The following FILIP1L variants were observed in gnomAD, a reference collection of about 807,000 sequenced individuals.
The protein encoded by FILIP1L is filamin A-interacting protein 1-like.
In FILIP1L, 55 loss-of-function variants were observed where a neutral mutation model predicts 96.6. That is an observed-to-expected ratio of 0.57 (90% CI 0.46 to 0.71). The LOEUF (loss-of-function observed/expected upper bound fraction) is 0.71, where lower values mean the gene tolerates loss of function less well. FILIP1L is among the 30% of genes least tolerant of loss of function. The probability of loss-of-function intolerance (pLI) is 0.00; values close to 1 mark genes in which losing one functional copy is unlikely to be tolerated. For synonymous variants in FILIP1L, 467 were observed against 473.9 expected, an observed-to-expected ratio of 0.99 and a Z score of 0.19; for missense variants, 1,304 against 1,321.2, an observed-to-expected ratio of 0.99 and a Z score of 0.20.
chr3:100,056,636 G>A (rs768140167), intron 1 of FILIP1L, among the ~76,000 whole-genome samples: 4 of 151,896 alleles, frequency 2.6e-5, no homozygotes, highest in Admixed American at 2.0e-4. Flanking sequence ...TTTCTAGGCA[G>A]CTGGAAACAA....
rs113930025 is a variant in FILIP1L at position 99,854,782 on chromosome 3, C to T, written c.606-3712G>A. Among the ~76,000 whole-genome samples the T allele has an allele frequency of 2.3e-3, 348 of 152,302 alleles. 2 individuals carry two copies. Among genetic ancestry groups the T allele is most frequent in the African/African-American group, 8.0e-3 (332 of 41,570 alleles). On this transcript the variant is annotated intron_variant, in intron 4 of 5. Transcript: ENST00000477258. ...TCTGTCAGTAGAAGTTAGACTCCAT[C>T]GTTTTGCTTTACTCAGCTTTAATTA...
chr3:100,079,514 A>G (rs369495875), intron 1 of FILIP1L, among the ~76,000 whole-genome samples: 1 of 152,350 alleles, frequency 6.6e-6, no homozygotes. Context: ...TGAAAAATCA[A>G]AAGAGTTATT....
At chr3:99,959,183 C>T (rs1022222576) in intron 1 of FILIP1L, among the ~76,000 whole-genome samples, 1 of 152,214 alleles carries the variant, frequency 6.6e-6, no homozygotes, top group African/African-American at 2.4e-5. Context: ...GAGTCTCACT[C>T]TCTTGCCCAG....
At chr3:100,042,350 G>A (rs1395547043) in intron 1 of FILIP1L, among the ~76,000 whole-genome samples, 3 of 151,668 alleles carry the variant, frequency 2.0e-5, no homozygotes, top group Admixed American at 6.6e-5. Flanking sequence ...AAAAAACATT[G>A]GCTCTGTGAC....
At chr3:99,943,192 C>T (rs1000465539) in intron 1 of FILIP1L, among the ~76,000 whole-genome samples, 1 of 152,118 alleles carries the variant, frequency 6.6e-6, no homozygotes, top group Non-Finnish European at 1.5e-5. Flanking sequence ...TAGTGGTCAG[C>T]TCATGCCTAT....
chr3:100,042,764 C>G (rs1379522002), intron 1 of FILIP1L, among the ~76,000 whole-genome samples: 1 of 152,118 alleles, frequency 6.6e-6, no homozygotes, highest in Non-Finnish European at 1.5e-5. Context: ...TTCTTCCACA[C>G]AAAGGGACAA....
intron 3 of FILIP1L, among the ~76,000 whole-genome samples, chr3:99,929,220 C>G (rs1707391981): frequency 6.6e-6 from 1 of 152,168 alleles, no homozygotes; most frequent in Non-Finnish European, 1.5e-5. Flanking sequence ...AGCAGTACTG[C>G]CTTCTCCCTA....
intron 5 of FILIP1L, chr3:99,847,782 GTGAT>G (rs946457632): frequency 3.2e-5 from 6 of 188,986 alleles, no homozygotes; most frequent in African/African-American, 1.2e-4. Flanking sequence ...CCTCTAATAT[GTGAT>G]TAGAAGTTGA....
intron 1 of FILIP1L, among the ~76,000 whole-genome samples, chr3:99,981,805 A>G (rs1258068345): frequency 6.6e-6 from 1 of 152,210 alleles, no homozygotes; most frequent in Non-Finnish European, 1.5e-5. Flanking sequence ...ACACATGCAC[A>G]TGCATAAATA....
Position 99,849,827 on chromosome 3 carries a change from C to T in FILIP1L, c.1849G>A (p.Ala617Thr). The change falls in exon 5 of 6, where the codon GCA (alanine) becomes ACA (threonine). Residue 617 changes from alanine (A) to threonine (T), a missense_variant. Transcript: ENST00000477258. ...LNQDSGKSTT[A>T]LHQENNKIKE... ...ATCTTATTGTTTTCTTGGTGTAATG[C>T]TGTTGTGGATTTCCCAGAGTCTTGA... is the stretch of plus-strand genomic sequence containing the variant. 1.9e-6 allele frequency: 3 copies of T among 1,611,604 alleles called. No homozygotes were observed. The highest frequency in any genetic ancestry group is 2.5e-6 in the Non-Finnish European group (3 of 1,179,618).
chr3:100,073,834 C>T lies in FILIP1L; in HGVS notation c.-11+40219G>A, dbSNP rs183453362. ...TTTATTAAGAATCTTTCCACTCACT[C>T]TTTTTAAGCTTATGTCCCTTTCCTT... On this transcript the variant is annotated intron_variant, in intron 1 of 5. Coordinates refer to ENST00000477258, the MANE Select transcript of FILIP1L (RefSeq NM_001387850.1). 2.6e-4 allele frequency among the ~76,000 whole-genome samples: 39 copies of T among 152,312 alleles called. No individual in the cohort carries two copies. In the East Asian group the frequency reaches 6.7e-3, roughly 26 times the overall value.
chr3:100,034,312 G>A (rs1225276258), intron 1 of FILIP1L, among the ~76,000 whole-genome samples: 2 of 152,146 alleles, frequency 1.3e-5, no homozygotes, highest in African/African-American at 4.8e-5. Context: ...TGGAGAAAAT[G>A]TACACTCATG....
intron 4 of FILIP1L, among the ~76,000 whole-genome samples, chr3:99,872,917 CTTTT>C (rs74418095): frequency 4.2e-5 from 6 of 143,544 alleles, no homozygotes; most frequent in African/African-American, 1.5e-4. Context: ...AATCTCAAGT[CTTTT>C]TTTTTTTTTA....
At chr3:100,021,012 G>A (rs548398944) in intron 1 of FILIP1L, among the ~76,000 whole-genome samples, 6 of 152,194 alleles carry the variant, frequency 3.9e-5, no homozygotes, top group Non-Finnish European at 7.4e-5. Context: ...TGATCTGCCC[G>A]CCTTGGCCTC....
intron 1 of FILIP1L, among the ~76,000 whole-genome samples, chr3:99,980,380 G>T (rs1709086995): frequency 6.6e-6 from 1 of 152,078 alleles, no homozygotes; most frequent in Admixed American, 6.6e-5. Flanking sequence ...TTCAGTTTGG[G>T]GAAAGGAATA....
chr3:100,019,705 T>TGA (rs1326132991), intron 1 of FILIP1L, among the ~76,000 whole-genome samples: 1 of 152,236 alleles, frequency 6.6e-6, no homozygotes, highest in Admixed American at 6.5e-5. Context: ...TATGAATGTA[T>TGA]GCTGATGTAT....
At chr3:100,106,177 T>C (rs2066392234) in intron 1 of FILIP1L, among the ~76,000 whole-genome samples, 1 of 152,122 alleles carries the variant, frequency 6.6e-6, no homozygotes, top group Non-Finnish European at 1.5e-5. Context: ...CAGAAGAGGT[T>C]GACTTATCAA....
At chr3:99,870,849 CG>C (rs1056755061) in intron 4 of FILIP1L, among the ~76,000 whole-genome samples, 3 of 152,150 alleles carry the variant, frequency 2.0e-5, no homozygotes, top group Non-Finnish European at 4.4e-5. Flanking sequence ...ATTTGTGCCC[CG>C]TAAGTGCATC....
At chr3:99,886,599 C>T (rs2107609090) in intron 4 of FILIP1L, among the ~76,000 whole-genome samples, 1 of 151,248 alleles carries the variant, frequency 6.6e-6, no homozygotes, top group East Asian at 1.9e-4. Context: ...GAACAAAGGC[C>T]CAAAAAAAAA....
Sources: allele counts gnomAD v4.1 joint callset (sites outside exome capture counted in the v4.1 genomes callset), GRCh38; gene constraint gnomAD v4.1.1; transcripts MANE v1.5; gene names NCBI Gene and HGNC (gene_info 2026-07-23, HGNC 2026-07-21).